The following COL6A5 variants were observed in gnomAD, a reference collection of about 807,000 sequenced individuals.
The protein encoded by COL6A5 is collagen alpha-5(VI) chain.
A neutral mutation model predicts 65.6 loss-of-function variants in COL6A5; 48 were observed. That is an observed-to-expected ratio of 0.73 (90% CI 0.58 to 0.93). The LOEUF (loss-of-function observed/expected upper bound fraction) is 0.93. Ranked by LOEUF, COL6A5 falls within the 40% of genes least tolerant of loss-of-function variation. COL6A5 has a pLI of 0.00. For synonymous variants in COL6A5, 291 were observed against 322.8 expected (o/e 0.90, Z 1.05); for missense variants, 914 against 928.3 (o/e 0.98, Z 0.20).
intron 4 of COL6A5, among the ~76,000 whole-genome samples, chr3:130,446,822 A>G (rs1166606114): frequency 6.6e-6 from 1 of 152,068 alleles, no homozygotes; most frequent in Non-Finnish European, 1.5e-5. Flanking sequence ...GAGTTTTTCC[A>G]TAACACTGGC....
rs1247602907 is a variant in COL6A5 at position 130,439,544 on chromosome 3, AG to A, written c.512del (p.Val172Ter). 7.1e-6 allele frequency: 11 copies of A among 1,550,850 alleles called. 1 individual carries two copies. The East Asian group carries it at 9.8e-5, about 14-fold the overall frequency. On this transcript the variant is annotated frameshift_variant, in exon 2 of 8. Coordinates refer to ENST00000512836, the Ensembl canonical transcript of COL6A5. LOFTEE classifies it high-confidence loss of function. ...CAGTTTGACAACACTGGAACATTTC[AG>A]GTGATTCCAGTTCCTCCAAATGGGG...
rs145961727 is a variant in COL6A5 at position 130,452,256 on chromosome 3, G to A, written c.1333-3199G>A. On this transcript the variant is annotated intron_variant, in intron 4 of 7. Transcript: ENST00000512836. The stretch of plus-strand genomic sequence containing the variant: ...TTCTCCGCACCTACCAAAGGGAATC[G>A]GGTTCCCTCATGCACTTAGGAAAAA... 1.4e-3 allele frequency among the ~76,000 whole-genome samples: 208 copies of A among 152,196 alleles called. 6 individuals are homozygous for A. The East Asian group carries it at 0.034, about 25-fold the overall frequency.
At chr3:130,373,462 C>A in intron 1 of COL6A5, 149 bp from the exon 2 acceptor site, 1 of 563,820 alleles carries the variant, frequency 1.8e-6, no homozygotes, top group South Asian at 2.6e-5. Flanking sequence ...TCAACAAATA[C>A]TCCAAATGCT....
At chr3:130,477,277 T>G in intron 7 of COL6A5, 2 of 513,040 alleles carry the variant, frequency 3.9e-6, no homozygotes, top group East Asian at 6.0e-5. Context: ...ATTATCCCTA[T>G]TTGAATTATC....
intron 30 of COL6A5, 43 bp from the exon 31 acceptor site, chr3:130,426,324 T>C (rs527618362): frequency 9.7e-6 from 15 of 1,551,176 alleles, no homozygotes; most frequent in East Asian, 7.3e-5. Flanking sequence ...CAAAAGTCAC[T>C]GTACTTGCAT....
At chr3:130,391,418 G>A in exon 7 of COL6A5, 1 of 1,551,714 alleles carries the variant, frequency 6.4e-7, no homozygotes, top group Non-Finnish European at 8.7e-7. Flanking sequence ...GAAGCGCAGG[G>A]ACACTGGAGG....
chr3:130,447,550 G>C (rs1342453816), intron 4 of COL6A5, among the ~76,000 whole-genome samples: 1 of 152,104 alleles, frequency 6.6e-6, no homozygotes, highest in African/African-American at 2.4e-5. Context: ...CATGGGTCCT[G>C]GTAAAGTGGT....
chr3:130,459,290 A>G (rs1709649097), intron 5 of COL6A5, among the ~76,000 whole-genome samples: 1 of 151,994 alleles, frequency 6.6e-6, no homozygotes, highest in Non-Finnish European at 1.5e-5. Context: ...TTTGTTTTTA[A>G]TTTTTCTAAC....
chr3:130,468,984 C>T, exon 6 of COL6A5: 14 of 1,612,854 alleles, frequency 8.7e-6, no homozygotes, highest in Non-Finnish European at 1.2e-5. Context: ...GCCCCCACTC[C>T]ACTGACCTCC....
At position 130,398,123 on chromosome 3, in the gene COL6A5, T is replaced by C; in HGVS notation, c.3991+12T>C. ...GCTCAGAGAAGCAGGTATTGAGTTG[T>C]TGTTGTTTTTTTTTTTTTTTTTTTT... On this transcript the variant is annotated intron_variant and NMD_transcript_variant, in intron 10 of 41. Transcript: ENST00000312481. 1 of 1,476,256 alleles carries C rather than the reference T, an allele frequency of 6.8e-7. No individual in the cohort carries two copies. The highest frequency in any genetic ancestry group is 2.5e-5 in the East Asian group (1 of 39,300). The allele number at this position is 1,476,256 out of a possible 1,614,324, so 91.4% of individuals were successfully genotyped here. A position where few individuals can be genotyped will look rare whatever the true frequency, so the allele number is the denominator to read the frequency against.
intron 1 of COL6A5, among the ~76,000 whole-genome samples, chr3:130,347,416 T>C (rs1351099883): frequency 1.3e-5 from 2 of 151,902 alleles, no homozygotes; most frequent in Non-Finnish European, 2.9e-5. Context: ...TTTCACAGAT[T>C]TCAAAAACTA....
intron 1 of COL6A5, among the ~76,000 whole-genome samples, chr3:130,355,635 A>G (rs533373558): frequency 1.3e-5 from 2 of 152,168 alleles, no homozygotes; most frequent in East Asian, 3.9e-4. Flanking sequence ...TAAAAAATAT[A>G]TATACCCACA....
At chr3:130,379,900 A>G (rs1935934930) in exon 4 of COL6A5, 1 of 1,551,282 alleles carries the variant, frequency 6.4e-7, no homozygotes, top group African/African-American at 1.4e-5. Context: ...GTTAGAAGAA[A>G]TAGTGTCTTA....
chr3:130,359,146 A>C (rs1338507326), intron 1 of COL6A5, among the ~76,000 whole-genome samples: 5 of 152,196 alleles, frequency 3.3e-5, no homozygotes, highest in Non-Finnish European at 1.5e-5. Context: ...ATAGATTGAC[A>C]GTTAATATGA....
chr3:130,370,686 G>A (rs1337027319), intron 1 of COL6A5, among the ~76,000 whole-genome samples: 2 of 152,188 alleles, frequency 1.3e-5, no homozygotes, highest in Non-Finnish European at 2.9e-5. Context: ...GGAATGTGAA[G>A]TGAAAATAGT....
intron 1 of COL6A5, among the ~76,000 whole-genome samples, chr3:130,369,863 G>A (rs1935485654): frequency 6.6e-6 from 1 of 152,156 alleles, no homozygotes; most frequent in Non-Finnish European, 1.5e-5. Flanking sequence ...TGTGCAGTTT[G>A]GCTGTTGGTC....
chr3:130,431,677 A>G (rs1394453707), exon 1 of COL6A5: 6 of 1,551,514 alleles, frequency 3.9e-6, no homozygotes, highest in Non-Finnish European at 5.2e-6. Context: ...TGACTACAAT[A>G]GGAAGAAGCA....
rs1161856869 is a variant in COL6A5 at position 130,469,086 on chromosome 3, T to G, written c.1838T>G (p.Leu613Trp). 6.2e-6 allele frequency: 10 copies of G among 1,613,092 alleles called. No individual in the cohort carries two copies. The East Asian group carries it at 2.0e-4, about 32-fold the overall frequency. Residue 613 changes from leucine (L) to tryptophan (W), a missense_variant, in exon 6 of 8, where the codon TTG becomes TGG. By Grantham distance (61) the Leu-to-Trp change is moderately conservative. Coordinates refer to ENST00000512836, the Ensembl canonical transcript of COL6A5. ...TGCCCTGTCTACCTGGAATTTGATT[T>G]GGTTACTTATAACAGTATACACCAA...
chr3:130,413,735 C>T (rs1482096911), intron 21 of COL6A5, among the ~76,000 whole-genome samples, 155 bp downstream of exon 21: 1 of 151,716 alleles, frequency 6.6e-6, no homozygotes, highest in Non-Finnish European at 1.5e-5. Flanking sequence ...ATAATCACTG[C>T]AGCTCCCGGG....
Sources: allele counts gnomAD v4.1 joint callset (sites outside exome capture counted in the v4.1 genomes callset), GRCh38; gene constraint gnomAD v4.1.1; transcripts MANE v1.5; gene names NCBI Gene and HGNC (gene_info 2026-07-23, HGNC 2026-07-21).